SSBP2: variants seen among roughly 807,000 people sequenced by gnomAD.
SSBP2 encodes single stranded DNA binding protein 2.
Under a neutral mutation model 61.8 loss-of-function variants are expected in SSBP2, and 17 were observed. The observed-to-expected ratio is 0.28, with a 90% CI of 0.19 to 0.41. The LOEUF (loss-of-function observed/expected upper bound fraction) is 0.41. SSBP2 is among the 10% of genes least tolerant of loss of function. SSBP2 has a pLI of 1.00. For missense variants in SSBP2, 310 were observed against 458.7 expected (o/e 0.68, Z 2.96); for synonymous variants, 139 against 141.3 (o/e 0.98, Z 0.12).
intron 16 of SSBP2, among the ~76,000 whole-genome samples, chr5:81,423,241 T>C (rs192965935): frequency 3.4e-4 from 52 of 152,350 alleles, no homozygotes; most frequent in Non-Finnish European, 6.5e-4. Flanking sequence ...CAACAGCCAC[T>C]AGCCAGAGGT....
intron 4 of SSBP2, among the ~76,000 whole-genome samples, chr5:81,515,994 A>G (rs1159652833): frequency 6.6e-6 from 1 of 151,998 alleles, no homozygotes; most frequent in African/African-American, 2.4e-5. Context: ...GTAATAGGAA[A>G]AAAAATCTTT....
chr5:81,602,545 T>C (rs1166519233), intron 4 of SSBP2, among the ~76,000 whole-genome samples: 1 of 152,184 alleles, frequency 6.6e-6, no homozygotes, highest in African/African-American at 2.4e-5. Flanking sequence ...CCTCAAATCT[T>C]TGAGGACTTA....
At chr5:81,567,814 T>C (rs1300266337) in intron 4 of SSBP2, among the ~76,000 whole-genome samples, 1 of 152,228 alleles carries the variant, frequency 6.6e-6, no homozygotes, top group African/African-American at 2.4e-5. Context: ...GAGATCATTT[T>C]GGAGCTTCAA....
At chr5:81,643,595 C>CTTTTTTTT (rs368511957) in intron 2 of SSBP2, among the ~76,000 whole-genome samples, 8 of 60,238 alleles carry the variant, frequency 1.3e-4, no homozygotes, top group Admixed American at 2.6e-4. Flanking sequence ...TTTTTCCTTT[C>CTTTTTTTT]TTTTTTTTTT....
intron 3 of SSBP2, among the ~76,000 whole-genome samples, chr5:81,630,003 T>G (rs1391615959): frequency 2.0e-5 from 3 of 152,242 alleles, no homozygotes; most frequent in Admixed American, 2.0e-4. Context: ...AGTTTTGCAC[T>G]CTGTAAATAT....
intron 4 of SSBP2, among the ~76,000 whole-genome samples, chr5:81,602,346 G>A (rs1744447909): frequency 6.6e-6 from 1 of 152,104 alleles, no homozygotes; most frequent in Non-Finnish European, 1.5e-5. Flanking sequence ...AAGCTTCTAT[G>A]CATCAATTTA....
chr5:81,675,724 T>G (rs1751921643), intron 1 of SSBP2, among the ~76,000 whole-genome samples: 1 of 152,180 alleles, frequency 6.6e-6, no homozygotes, highest in Non-Finnish European at 1.5e-5. Flanking sequence ...CCCAAACTGA[T>G]TGCTGTGCAA....
At chr5:81,702,306 G>A (rs1191203224) in intron 1 of SSBP2, among the ~76,000 whole-genome samples, 4 of 152,200 alleles carry the variant, frequency 2.6e-5, no homozygotes, top group South Asian at 2.1e-4. Context: ...AGGAGTCAGA[G>A]GTTCCAGTGA....
chr5:81,701,146 C>T (rs901838910), intron 1 of SSBP2, among the ~76,000 whole-genome samples: 2 of 152,154 alleles, frequency 1.3e-5, no homozygotes, highest in African/African-American at 4.8e-5. Context: ...CTTCCTTTCA[C>T]TTGAACACTT....
intron 5 of SSBP2, among the ~76,000 whole-genome samples, chr5:81,503,043 G>A (rs1462971917): frequency 6.6e-6 from 1 of 152,064 alleles, no homozygotes; most frequent in African/African-American, 2.4e-5. Flanking sequence ...AGACATACAT[G>A]TGGCCAGCAA....
At chr5:81,679,167 C>T (rs1377794236) in intron 1 of SSBP2, among the ~76,000 whole-genome samples, 1 of 152,200 alleles carries the variant, frequency 6.6e-6, no homozygotes. Flanking sequence ...CACCACCACA[C>T]CCAGCTAATT....
chr5:81,688,814 A>C (rs796427364), intron 1 of SSBP2, among the ~76,000 whole-genome samples: 2 of 152,246 alleles, frequency 1.3e-5, no homozygotes, highest in African/African-American at 4.8e-5. Context: ...ATGCTCGAAC[A>C]CTGATGAACA....
chr5:81,731,059 A>C (rs1449438837), intron 1 of SSBP2, among the ~76,000 whole-genome samples: 1 of 152,228 alleles, frequency 6.6e-6, no homozygotes, highest in Non-Finnish European at 1.5e-5. Context: ...ACTCTATACG[A>C]TTAAACTTCA....
intron 2 of SSBP2, among the ~76,000 whole-genome samples, 174 bp from the exon 3 acceptor site, chr5:81,636,792 G>C (rs1383514427): frequency 6.6e-6 from 1 of 152,126 alleles, no homozygotes; most frequent in African/African-American, 2.4e-5. Context: ...TTTGTTGACT[G>C]GATTAGTCTC....
At chr5:81,590,658 A>C (rs1297882543) in intron 4 of SSBP2, among the ~76,000 whole-genome samples, 3 of 152,254 alleles carry the variant, frequency 2.0e-5, no homozygotes, top group Non-Finnish European at 4.4e-5. Context: ...ACTGTTGGAC[A>C]ACAAGAGACT....
At chr5:81,617,985 C>G (rs1231291736) in intron 3 of SSBP2, among the ~76,000 whole-genome samples, 3 of 134,654 alleles carry the variant, frequency 2.2e-5, no homozygotes, top group African/African-American at 8.3e-5. Context: ...CCGGTACCAG[C>G]TGCTGCAAAA....
rs114610799 is a variant in SSBP2 at position 81,470,542 on chromosome 5, A to T, written c.570+3158T>A. On this transcript the variant is annotated intron_variant, in intron 8 of 16. Transcript: ENST00000320672. ...CTATGTGTGCACTTTGCTCAAATCA[A>T]CATAATCTAAGAATAATTAGATTTA... Among the ~76,000 whole-genome samples the T allele has an allele frequency of 7.5e-3, 1,142 of 151,990 alleles. 8 individuals are homozygous for T. Among genetic ancestry groups the T allele is most frequent in the African/African-American group, 0.025 (1,034 of 41,538 alleles).
At chr5:81,501,246 TATATATATATATATATATATATAC>T (rs1207255400) in intron 5 of SSBP2, among the ~76,000 whole-genome samples, 12 of 55,524 alleles carry the variant, frequency 2.2e-4, no homozygotes, top group Non-Finnish European at 3.1e-4. Context: ...TATATATATA[TATATATATATATATATATATATAC>T]ACACACACAC....
intron 15 of SSBP2, among the ~76,000 whole-genome samples, chr5:81,432,248 C>G (rs1762339193): frequency 1.1e-5 from 1 of 93,494 alleles, no homozygotes; most frequent in South Asian, 3.2e-4. Context: ...CTACCAGCTC[C>G]CTTGTGAATG....
Sources: gnomAD v4.1 joint callset for allele counts (sites outside exome capture counted in the v4.1 genomes callset) on GRCh38, gnomAD v4.1.1 for gene constraint, MANE v1.5 for transcripts, NCBI Gene and HGNC (gene_info 2026-07-23, HGNC 2026-07-21) for gene names.